CCSER1: variants seen among roughly 807,000 people sequenced by gnomAD.
CCSER1 encodes the protein coiled-coil serine rich protein 1.
In CCSER1, 41 loss-of-function variants were observed where a neutral mutation model predicts 82.0. That is an observed-to-expected ratio of 0.50 (90% confidence interval 0.39 to 0.65). The LOEUF is 0.65. Ranked by LOEUF, CCSER1 falls within the 30% of genes least tolerant of loss-of-function variation. CCSER1 has a pLI of 0.00. For synonymous variants in CCSER1, 414 were observed against 383.9 expected (o/e 1.08, Z -0.92); for missense variants, 1,119 against 1,064.2 (o/e 1.05, Z -0.72).
chr4:90,637,664 C>A (rs897576928), intron 6 of CCSER1, among the ~76,000 whole-genome samples: 1 of 152,134 alleles, frequency 6.6e-6, no homozygotes, highest in African/African-American at 2.4e-5. Context: ...TTAAACACAG[C>A]AACTCAAGTA....
chr4:90,597,049 TAA>T (rs1329870209), intron 5 of CCSER1, among the ~76,000 whole-genome samples: 1 of 152,016 alleles, frequency 6.6e-6, no homozygotes, highest in African/African-American at 2.4e-5. Flanking sequence ...TTCAATCTAT[TAA>T]GTTACAATTT....
chr4:90,311,190 A>G (rs116311732), intron 2 of CCSER1, among the ~76,000 whole-genome samples: 4,810 of 152,206 alleles, frequency 0.032, 199 homozygotes, highest in African/African-American at 0.096. Context: ...CAAATGATGG[A>G]CTTGATATTG....
chr4:90,495,816 A>G (rs1245660725), intron 5 of CCSER1, among the ~76,000 whole-genome samples: 1 of 152,152 alleles, frequency 6.6e-6, no homozygotes, highest in Non-Finnish European at 1.5e-5. Flanking sequence ...ATAAATAGAT[A>G]TTTCTATAAT....
At chr4:90,431,850 T>C (rs540502561) in intron 4 of CCSER1, among the ~76,000 whole-genome samples, 1 of 152,172 alleles carries the variant, frequency 6.6e-6, no homozygotes, top group East Asian at 1.9e-4. Flanking sequence ...CTCCTCAAAT[T>C]TGCATTTGTC....
chr4:91,288,779 T>C (rs1290629120), intron 10 of CCSER1, among the ~76,000 whole-genome samples: 1 of 151,982 alleles, frequency 6.6e-6, no homozygotes, highest in African/African-American at 2.4e-5. Flanking sequence ...CAGAAAAAGA[T>C]CATTTATTCT....
chr4:90,524,421 T>C (rs1773495460), intron 5 of CCSER1, among the ~76,000 whole-genome samples: 1 of 152,104 alleles, frequency 6.6e-6, no homozygotes, highest in African/African-American at 2.4e-5. Flanking sequence ...ACAAGTACCT[T>C]GTGTCTAATT....
Position 91,496,801 on chromosome 4 carries a change from AATAT to A in CCSER1, c.2218-101762_2218-101759del, listed in dbSNP as rs532957106. On this transcript the variant is annotated intron_variant, in intron 10 of 10. Coordinates refer to ENST00000509176, the MANE Select transcript of CCSER1 (RefSeq NM_001145065.2). Reference sequence around the variant, plus strand: ...TGAATATATATTGAATATATATTTGAATATATATATATTCAATATATATTGAATA... The same window carrying A: ...TGAATATATATTGAATATATATTTGAATATATATTCAATATATATTGAATA... Among the ~76,000 whole-genome samples, 21 of 66,862 alleles carry A rather than the reference AATAT, an allele frequency of 3.1e-4. 4 individuals carry two copies. The highest frequency in any genetic ancestry group is 3.1e-3 in the Admixed American group (15 of 4,908). 43.9% of individuals were successfully genotyped at this position (66,862 alleles called of 152,430 possible).
intron 10 of CCSER1, among the ~76,000 whole-genome samples, chr4:91,200,133 C>A (rs13115718): frequency 0.67 from 101,671 of 151,836 alleles, 34,850 homozygotes; most frequent in East Asian, 0.93. Context: ...CAAATATATC[C>A]TTGAAGTTCT....
chr4:90,623,281 A>G (rs1560831395), intron 5 of CCSER1, among the ~76,000 whole-genome samples: 3 of 151,014 alleles, frequency 2.0e-5, no homozygotes, highest in Admixed American at 1.3e-4. Flanking sequence ...TGATCCCCCA[A>G]CCTCGGCCTC....
chr4:90,210,734 C>T lies in CCSER1; in HGVS notation c.-42+82903C>T, dbSNP rs558310254. ...TGCTGGGATTATGGGCATGAACTAC[C>T]GTGCCTGGCCTGGCGTCTGCTATCA... On this transcript the variant is annotated intron_variant, in intron 1 of 10. Transcript: ENST00000509176. Among the ~76,000 whole-genome samples the T allele has an allele frequency of 1.6e-4, 24 of 152,226 alleles. 1 individual carries two copies. The highest frequency in any genetic ancestry group is 2.2e-4 in the African/African-American group (9 of 41,540).
chr4:91,532,280 A>G (rs74451034), intron 10 of CCSER1, among the ~76,000 whole-genome samples: 16,088 of 152,246 alleles, frequency 0.11, 996 homozygotes, highest in Middle Eastern at 0.21. Flanking sequence ...ATAAAATTTT[A>G]GGTGCATTTC....
chr4:91,194,673 A>AAC (rs370891528), intron 10 of CCSER1, among the ~76,000 whole-genome samples: 9,572 of 149,994 alleles, frequency 0.064, 408 homozygotes, highest in Non-Finnish European at 0.093. Context: ...CATGGTAGAG[A>AAC]ACACACACAC....
intron 10 of CCSER1, among the ~76,000 whole-genome samples, chr4:91,390,650 AAT>A (rs1267191221): frequency 6.6e-6 from 1 of 151,832 alleles, no homozygotes; most frequent in Admixed American, 6.6e-5. Context: ...TAGTGTAGAG[AAT>A]TTGTATAATT....
chr4:90,429,142 G>T (rs1405296403), intron 4 of CCSER1, among the ~76,000 whole-genome samples: 2 of 151,716 alleles, frequency 1.3e-5, no homozygotes, highest in Non-Finnish European at 3.0e-5. Context: ...TAAATTCAAA[G>T]TAGTTTTAAA....
chr4:91,130,799 C>T (rs530496516), intron 10 of CCSER1, among the ~76,000 whole-genome samples: 2 of 151,668 alleles, frequency 1.3e-5, no homozygotes, highest in South Asian at 2.1e-4. Flanking sequence ...ACATAAAATG[C>T]AATGTTAATA....
chr4:90,312,746 C>A, intron 2 of CCSER1, 117 bp from the exon 3 acceptor site: 1 of 792,644 alleles, frequency 1.3e-6, no homozygotes, highest in African/African-American at 1.8e-5. Context: ...TAAAAGTTTT[C>A]TTGTGATAGA....
intron 5 of CCSER1, among the ~76,000 whole-genome samples, chr4:90,473,217 T>A (rs530861131): frequency 7.2e-5 from 11 of 152,172 alleles, no homozygotes; most frequent in Non-Finnish European, 1.5e-4. Context: ...GTATTAATAC[T>A]TTTTTAGAAA....
chr4:90,929,495 A>G (rs1375114826), intron 9 of CCSER1, among the ~76,000 whole-genome samples: 2 of 152,168 alleles, frequency 1.3e-5, no homozygotes, highest in Admixed American at 1.3e-4. Context: ...ATAGTGTGGC[A>G]CTGAATGATT....
Position 90,925,678 on chromosome 4 carries a change from T to G in CCSER1, c.2172+2231T>G, listed in dbSNP as rs545412500. Among the ~76,000 whole-genome samples the G allele has an allele frequency of 6.5e-4, 99 of 152,312 alleles. 1 individual carries two copies. The highest frequency in any genetic ancestry group is 2.2e-3 in the African/African-American group (91 of 41,584). On this transcript the variant is annotated intron_variant, in intron 9 of 10. Transcript: ENST00000509176. ...TATTTCTTATATCAATGTCATTTAG[T>G]TCTCTAAGCATGAAAATAAAAATGT...
Sources: allele counts gnomAD v4.1 joint callset (sites outside exome capture counted in the v4.1 genomes callset), GRCh38; gene constraint gnomAD v4.1.1; transcripts MANE v1.5; gene names NCBI Gene and HGNC (gene_info 2026-07-23, HGNC 2026-07-21).